Variants in ZNF365 observed in about 807,000 individuals in gnomAD.
ZNF365 encodes protein ZNF365.
Under a neutral mutation model 35.0 loss-of-function variants are expected in ZNF365, and 22 were observed. That is an observed-to-expected ratio of 0.63 (90% CI 0.45 to 0.90). ZNF365 has a LOEUF of 0.90. Ranked by LOEUF, ZNF365 falls within the 40% of genes least tolerant of loss-of-function variation. The pLI, the probability that ZNF365 is intolerant of heterozygous loss-of-function variation, is 0.00. For synonymous variants in ZNF365, 188 were observed against 196.2 expected (o/e 0.96, Z 0.35); for missense variants, 448 against 500.3 (o/e 0.90, Z 1.00).
chr10:62,408,265 C>A (rs1839933725), intron 3 of ZNF365, among the ~76,000 whole-genome samples: 1 of 152,126 alleles, frequency 6.6e-6, no homozygotes, highest in Non-Finnish European at 1.5e-5. Context: ...AATAGAAAAA[C>A]AAGATTCTTC....
rs573793564 is a variant in ZNF365 at position 62,388,007 on chromosome 10, G to C, written c.744-389G>C. Among the ~76,000 whole-genome samples the C allele has an allele frequency of 2.6e-5, 4 of 152,242 alleles. No homozygotes were observed. In the South Asian group the frequency reaches 8.3e-4, roughly 32 times the overall value. ...CAGACCCATCTGCTGTCCCTGGTTT[G>C]CTCTTCCTAAACACCTGCATGGCTT... On this transcript the variant is annotated intron_variant, in intron 2 of 4. Coordinates refer to ENST00000395254, the MANE Select transcript of ZNF365 (RefSeq NM_014951.3).
downstream of ZNF365, among the ~76,000 whole-genome samples, chr10:62,403,253 G>C (rs1839857387): frequency 6.6e-6 from 1 of 152,232 alleles, no homozygotes; most frequent in Admixed American, 6.5e-5. Flanking sequence ...TTAAGTGGAA[G>C]TGGATCATCA....
intron 3 of ZNF365, among the ~76,000 whole-genome samples, chr10:62,438,036 T>C (rs750393923): frequency 9.9e-5 from 15 of 152,158 alleles, no homozygotes; most frequent in Admixed American, 3.3e-4. Flanking sequence ...AGTAACTGTG[T>C]ATGGGAAATT....
chr10:62,441,761 A>G (rs917563595), intron 3 of ZNF365, among the ~76,000 whole-genome samples: 6 of 152,196 alleles, frequency 3.9e-5, no homozygotes, highest in Non-Finnish European at 8.8e-5. Flanking sequence ...GACCTATTTT[A>G]CATGTTTAAT....
intron 4 of ZNF365, among the ~76,000 whole-genome samples, chr10:62,476,945 G>C (rs1050937998): frequency 6.6e-6 from 1 of 152,166 alleles, no homozygotes; most frequent in African/African-American, 2.4e-5. Flanking sequence ...AAAAATAGTT[G>C]TATCTTAAAA....
intron 3 of ZNF365, among the ~76,000 whole-genome samples, chr10:62,456,848 A>G (rs896544418): frequency 6.6e-6 from 1 of 152,118 alleles, no homozygotes; most frequent in Non-Finnish European, 1.5e-5. Flanking sequence ...ACACATGCAC[A>G]CACACACACA....
intron 4 of ZNF365, among the ~76,000 whole-genome samples, chr10:62,465,054 T>C (rs1030002777): frequency 2.0e-5 from 3 of 152,194 alleles, no homozygotes; most frequent in African/African-American, 7.2e-5. Flanking sequence ...CAGCTCCAGA[T>C]CCAAGCATCC....
chr10:62,408,696 C>T (rs1839941009), intron 3 of ZNF365, among the ~76,000 whole-genome samples: 1 of 152,062 alleles, frequency 6.6e-6, no homozygotes, highest in Non-Finnish European at 1.5e-5. Flanking sequence ...ATATATGGGC[C>T]AGTAAATAAG....
In ZNF365 at chr10:62,401,454, G is replaced by A. The variant is rs949968450; in HGVS notation, c.*1665G>A. Reference sequence around the variant, plus strand: ...ATTCTGAACCTACCATAATGAAAATGTTCTTGAATCTTCACTTTGACTTTC... The same window carrying A: ...ATTCTGAACCTACCATAATGAAAATATTCTTGAATCTTCACTTTGACTTTC... On this transcript the variant is annotated 3_prime_UTR_variant, in exon 5 of 5. Transcript: ENST00000395254. 3.1e-6 allele frequency: 3 copies of A among 980,594 alleles called. No homozygotes were observed. Among genetic ancestry groups the A allele is most frequent in the Admixed American group, 6.5e-5 (1 of 15,490 alleles). The allele number at this position is 980,594 out of a possible 1,614,324, so 60.7% of individuals were successfully genotyped here.
intron 4 of ZNF365, among the ~76,000 whole-genome samples, chr10:62,463,244 C>T (rs1178053575): frequency 6.6e-6 from 1 of 152,208 alleles, no homozygotes; most frequent in Non-Finnish European, 1.5e-5. Context: ...AGTCATGGTG[C>T]TTAGGGTTCA....
chr10:62,416,705 G>T (rs980424778), intron 3 of ZNF365, among the ~76,000 whole-genome samples: 1 of 151,812 alleles, frequency 6.6e-6, no homozygotes, highest in Non-Finnish European at 1.5e-5. Context: ...TTTGGATTTT[G>T]GTGTTTTTTG....
intron 4 of ZNF365, among the ~76,000 whole-genome samples, chr10:62,461,546 G>A (rs1840848267): frequency 6.6e-6 from 1 of 152,160 alleles, no homozygotes; most frequent in African/African-American, 2.4e-5. Context: ...TTTCCCCTTT[G>A]GCACACAGTG....
At chr10:62,389,085 A>G (rs1399402649) in intron 3 of ZNF365, among the ~76,000 whole-genome samples, 1 of 152,206 alleles carries the variant, frequency 6.6e-6, no homozygotes, top group Non-Finnish European at 1.5e-5. Flanking sequence ...AAGATTCACA[A>G]GTGATAGTTC....
At chr10:62,390,627 G>A (rs558865158) in intron 3 of ZNF365, among the ~76,000 whole-genome samples, 14 of 152,230 alleles carry the variant, frequency 9.2e-5, no homozygotes, top group Admixed American at 1.3e-4. Flanking sequence ...CAGTTGTGTC[G>A]CTTTACAATG....
At chr10:62,380,163 C>T (rs971162474) in intron 2 of ZNF365, among the ~76,000 whole-genome samples, 4 of 152,202 alleles carry the variant, frequency 2.6e-5, no homozygotes, top group Admixed American at 6.5e-5. Flanking sequence ...TACATATACT[C>T]ATAGCAGAGG....
intron 3 of ZNF365, among the ~76,000 whole-genome samples, chr10:62,394,486 T>C (rs922271736): frequency 3.9e-5 from 6 of 152,192 alleles, no homozygotes; most frequent in Admixed American, 3.9e-4. Context: ...TAAAATAAGA[T>C]TATCCAAACT....
chr10:62,382,873 G>T (rs558865095), intron 2 of ZNF365, among the ~76,000 whole-genome samples: 12 of 152,262 alleles, frequency 7.9e-5, no homozygotes, highest in South Asian at 2.1e-4. Flanking sequence ...TATTTTTACC[G>T]TTTCATATTC....
At chr10:62,464,784 G>A (rs927467734) in intron 4 of ZNF365, among the ~76,000 whole-genome samples, 4 of 152,344 alleles carry the variant, frequency 2.6e-5, no homozygotes, top group Non-Finnish European at 4.4e-5. Flanking sequence ...CACAATACTC[G>A]AAGTCATAAG....
chr10:62,460,706 TGTG>T (rs1367520325), intron 4 of ZNF365, among the ~76,000 whole-genome samples: 1 of 152,156 alleles, frequency 6.6e-6, no homozygotes, highest in Non-Finnish European at 1.5e-5. Flanking sequence ...TTAATTCTGA[TGTG>T]GTGTTGGGAG....
Sources: gnomAD v4.1 joint callset for allele counts (sites outside exome capture counted in the v4.1 genomes callset) on GRCh38, gnomAD v4.1.1 for gene constraint, MANE v1.5 for transcripts, NCBI Gene and HGNC (gene_info 2026-07-23, HGNC 2026-07-21) for gene names.